Variants in MDGA2 observed in about 807,000 individuals in gnomAD.
MDGA2 encodes the protein MAM domain-containing glycosylphosphatidylinositol anchor protein 2.
In MDGA2, 40 loss-of-function variants were observed where a neutral mutation model predicts 117.8. That is an observed-to-expected ratio of 0.34 (90% CI 0.26 to 0.44). The LOEUF is 0.44. Ranked by LOEUF, MDGA2 falls within the 20% of genes least tolerant of loss-of-function variation. The probability of loss-of-function intolerance (pLI) is 1.00; values close to 1 mark genes in which losing one functional copy is unlikely to be tolerated. For synonymous variants in MDGA2, 452 were observed against 439.0 expected (o/e 1.03, Z -0.37); for missense variants, 1,123 against 1,250.6 (o/e 0.90, Z 1.54).
chr14:47,586,165 A>G (rs1013146270), intron 1 of MDGA2, among the ~76,000 whole-genome samples: 1 of 151,942 alleles, frequency 6.6e-6, no homozygotes, highest in Non-Finnish European at 1.5e-5. Flanking sequence ...TCAATGATTC[A>G]TTTTAATTGA....
intron 1 of MDGA2, among the ~76,000 whole-genome samples, chr14:47,571,379 T>C (rs534659684): frequency 4.6e-5 from 7 of 152,294 alleles, no homozygotes; most frequent in African/African-American, 1.7e-4. Context: ...AGAAATACCA[T>C]TTGACACAGC....
chr14:47,308,586 C>T (rs1889535800), intron 1 of MDGA2, among the ~76,000 whole-genome samples: 1 of 139,020 alleles, frequency 7.2e-6, no homozygotes, highest in African/African-American at 2.7e-5. Flanking sequence ...TGTTTAATAT[C>T]TTCTGTAAAA....
intron 5 of MDGA2, among the ~76,000 whole-genome samples, chr14:47,108,118 A>G (rs4497595): frequency 0.26 from 39,720 of 150,870 alleles, 5,376 homozygotes; most frequent in Non-Finnish European, 0.29. Context: ...AACACACCTC[A>G]CCAAGCTCAG....
intron 1 of MDGA2, among the ~76,000 whole-genome samples, chr14:47,636,978 A>G (rs1054227744): frequency 6.6e-6 from 1 of 151,960 alleles, no homozygotes; most frequent in African/African-American, 2.4e-5. Context: ...TCTCAAAAAA[A>G]AAAAATTAAA....
chr14:47,472,475 G>A (rs1893748183), intron 1 of MDGA2, among the ~76,000 whole-genome samples: 1 of 152,114 alleles, frequency 6.6e-6, no homozygotes, highest in Non-Finnish European at 1.5e-5. Context: ...CAAAGAAAAG[G>A]TATACTAAAA....
intron 2 of MDGA2, among the ~76,000 whole-genome samples, chr14:47,261,437 G>A (rs764424472): frequency 6.6e-6 from 1 of 152,066 alleles, no homozygotes; most frequent in Non-Finnish European, 1.5e-5. Flanking sequence ...AAGTAAGTAA[G>A]GATCAAGTTT....
chr14:47,264,319 A>G (rs2139681880), intron 2 of MDGA2, among the ~76,000 whole-genome samples: 1 of 152,298 alleles, frequency 6.6e-6, no homozygotes, highest in Non-Finnish European at 1.5e-5. Context: ...AATAGAGCCA[A>G]ACTACTAAAA....
chr14:47,075,698 T>C (rs1333200916), intron 6 of MDGA2, among the ~76,000 whole-genome samples: 3 of 152,184 alleles, frequency 2.0e-5, no homozygotes, highest in Non-Finnish European at 4.4e-5. Context: ...TAAAGAATGA[T>C]AAAGTAAATA....
intron 3 of MDGA2, among the ~76,000 whole-genome samples, chr14:47,153,770 AAAG>A (rs1448887721): frequency 2.0e-5 from 3 of 152,082 alleles, no homozygotes; most frequent in African/African-American, 7.2e-5. Context: ...AAAAAGTGAT[AAAG>A]AAGAAGAGAG....
chr14:47,213,675 T>C (rs1237148006), intron 3 of MDGA2, among the ~76,000 whole-genome samples: 1 of 152,200 alleles, frequency 6.6e-6, no homozygotes, highest in Non-Finnish European at 1.5e-5. Flanking sequence ...ACTTTTAATA[T>C]GTAAGAGCTA....
At chr14:47,003,725 C>A (rs1594516795) in intron 8 of MDGA2, among the ~76,000 whole-genome samples, 1 of 151,882 alleles carries the variant, frequency 6.6e-6, no homozygotes, top group African/African-American at 2.4e-5. Flanking sequence ...CATGGCTTGT[C>A]TTTTCATTCT....
intron 1 of MDGA2, among the ~76,000 whole-genome samples, chr14:47,305,683 A>T (rs540599867): frequency 2.6e-5 from 4 of 152,186 alleles, no homozygotes; most frequent in Non-Finnish European, 5.9e-5. Flanking sequence ...AGCAGGCATG[A>T]GACTCTGTGC....
At chr14:47,357,949 C>G (rs1209765251) in intron 1 of MDGA2, among the ~76,000 whole-genome samples, 1 of 152,130 alleles carries the variant, frequency 6.6e-6, no homozygotes, top group Non-Finnish European at 1.5e-5. Context: ...AGTAGAATGT[C>G]TCAGAGGGGG....
intron 3 of MDGA2, among the ~76,000 whole-genome samples, chr14:47,164,865 T>C (rs957403592): frequency 2.0e-5 from 3 of 152,148 alleles, no homozygotes; most frequent in Admixed American, 2.0e-4. Flanking sequence ...TGTCCAACAA[T>C]GATAGACTGG....
At chr14:47,426,389 A>C (rs1892689591) in intron 1 of MDGA2, among the ~76,000 whole-genome samples, 1 of 151,904 alleles carries the variant, frequency 6.6e-6, no homozygotes, top group Non-Finnish European at 1.5e-5. Context: ...TGTTTTCAGT[A>C]TGCCCCTACT....
At chr14:47,517,651 C>A (rs952226940) in intron 1 of MDGA2, among the ~76,000 whole-genome samples, 2 of 152,094 alleles carry the variant, frequency 1.3e-5, no homozygotes, top group African/African-American at 2.4e-5. Context: ...ACTCAATGAA[C>A]TTGGGCAGCT....
intron 10 of MDGA2, among the ~76,000 whole-genome samples, chr14:46,894,781 C>T (rs1226574575): frequency 1.3e-5 from 2 of 152,150 alleles, no homozygotes; most frequent in Non-Finnish European, 2.9e-5. Context: ...TTGAAAACCA[C>T]CCAAGAGACC....
intron 1 of MDGA2, among the ~76,000 whole-genome samples, chr14:47,654,854 A>C (rs1330520211): frequency 6.6e-6 from 1 of 152,088 alleles, no homozygotes; most frequent in East Asian, 1.9e-4. Flanking sequence ...AAGTTAGAAG[A>C]GTGTGTATAT....
intron 8 of MDGA2, among the ~76,000 whole-genome samples, chr14:47,016,602 G>A (rs1237872070): frequency 6.6e-6 from 1 of 151,922 alleles, no homozygotes; most frequent in East Asian, 1.9e-4. Flanking sequence ...TGAGGAAACA[G>A]CTCAAAACCA....
Sources: gnomAD v4.1 joint callset for allele counts (sites outside exome capture counted in the v4.1 genomes callset) on GRCh38, gnomAD v4.1.1 for gene constraint, MANE v1.5 for transcripts, NCBI Gene and HGNC (gene_info 2026-07-23, HGNC 2026-07-21) for gene names.